Variants in ITPR3 observed in about 807,000 individuals in gnomAD.
ITPR3 encodes the protein inositol 1,4,5-trisphosphate-gated calcium channel ITPR3.
In ITPR3, 173 loss-of-function variants were observed where a neutral mutation model predicts 293.2. The observed-to-expected ratio is 0.59, with a 90% CI of 0.52 to 0.67. The LOEUF is 0.67. Ranked by LOEUF, ITPR3 falls within the 30% of genes least tolerant of loss-of-function variation. The probability of loss-of-function intolerance (pLI) is 0.00; values close to 1 mark genes in which losing one functional copy is unlikely to be tolerated. For synonymous variants in ITPR3, 1,295 were observed against 1,444.4 expected (o/e 0.90, Z 2.35); for missense variants, 2,796 against 3,592.1 (o/e 0.78, Z 5.66).
At chr6:33,674,073 C>A in intron 23 of ITPR3, 135 bp from the exon 24 acceptor site, 1 of 1,125,840 alleles carries the variant, frequency 8.9e-7, no homozygotes, top group Non-Finnish European at 1.3e-6. Context: ...TACTTGGTTC[C>A]TTCCCAGAAA....
chr6:33,652,195 C>T (rs763763768), intron 2 of ITPR3, among the ~76,000 whole-genome samples: 63 of 152,204 alleles, frequency 4.1e-4, no homozygotes, highest in Non-Finnish European at 8.4e-4. Flanking sequence ...TCCTCTCCCA[C>T]CTCCTGCTCT....
intron 2 of ITPR3, among the ~76,000 whole-genome samples, chr6:33,647,277 CA>C: frequency 6.6e-6 from 1 of 152,302 alleles, no homozygotes; most frequent in South Asian, 2.1e-4. Flanking sequence ...CTGCCCGCTT[CA>C]ACCTCCCAGA....
Position 33,678,502 on chromosome 6 carries a change from G to A in ITPR3, c.3730G>A (p.Ala1244Thr), listed in dbSNP as rs1238526463. The A allele has an allele frequency of 4.4e-6, 7 of 1,605,434 alleles. No homozygotes were observed. The South Asian group carries it at 5.5e-5, about 13-fold the overall frequency. The part of the protein sequence containing the change: ...KFCAGNPGNQ[A>T]LLHKHLHLFL... ...CTGTGCAGGGAACCCCGGCAACCAG[G>A]CCCTGCTGCACAAACACCTGCACCT... Residue 1244 changes from alanine to threonine, a missense_variant, in exon 29 of 58, where the codon GCC becomes ACC. Physicochemically the swap from Ala to Thr is moderately conservative, Grantham distance 58. This residue lies in a region of ITPR3 where 344 missense variants were observed against 460.3 expected (regional missense o/e 0.75). Transcript: ENST00000605930.
intron 2 of ITPR3, among the ~76,000 whole-genome samples, chr6:33,644,183 C>G (rs1021012930): frequency 2.6e-4 from 36 of 136,032 alleles, no homozygotes; most frequent in African/African-American, 1.0e-3. Context: ...GAGCAAGACT[C>G]TGTCTCAGGG....
intron 16 of ITPR3, 37 bp from the exon 17 acceptor site, chr6:33,668,478 G>T (rs1440621198): frequency 1.2e-6 from 2 of 1,613,722 alleles, no homozygotes; most frequent in South Asian, 2.2e-5. Flanking sequence ...ACCAGCCTCT[G>T]AGACCCTCTT....
Position 33,679,788 on chromosome 6 carries a change from C to A in ITPR3, c.3973-94C>A. 1 of 1,469,754 alleles carries A rather than the reference C, an allele frequency of 6.8e-7. No individual in the cohort carries two copies. The highest frequency in any genetic ancestry group is 1.3e-5 in the South Asian group (1 of 74,302). The allele number at this position is 1,469,754 out of a possible 1,614,324, so 91.0% of individuals were successfully genotyped here. ...CCTGATTTCAGGTAAGGGCTGTGGT[C>A]AGAGTCCCAGTTTCTCCCTGGTAAG... On this transcript the variant is annotated intron_variant, in intron 30 of 57. Transcript: ENST00000605930. This position sits in a 1 kb window ranked among gnomAD's most constrained non-coding sequence, Gnocchi z 4.2.
Position 33,687,328 on chromosome 6 carries a change from G to A in ITPR3, c.6177+1G>A, listed in dbSNP as rs754315965. On this transcript the variant is annotated splice_donor_variant, in intron 45 of 57. Coordinates refer to ENST00000605930, the MANE Select transcript of ITPR3 (RefSeq NM_002224.4). LOFTEE classifies it high-confidence loss of function. The surrounding 1 kb of genome is among the most constrained non-coding windows in gnomAD (Gnocchi z 5.3). ...TAACATCTATATCCTGGCGCTGCAG[G>A]TACCAGTTCCACCCGTGGCAACGGC... is the stretch of plus-strand genomic sequence containing the variant. The A allele has an allele frequency of 1.2e-6, 2 of 1,604,634 alleles. No individual in the cohort carries two copies. Among genetic ancestry groups the A allele is most frequent in the Non-Finnish European group, 1.7e-6 (2 of 1,172,394 alleles).
intron 1 of ITPR3, among the ~76,000 whole-genome samples, chr6:33,623,446 C>G (rs542530950): frequency 8.6e-5 from 13 of 151,458 alleles, no homozygotes; most frequent in Middle Eastern, 3.4e-3. Context: ...CCTGCCTCAG[C>G]TCCCAAAACT....
chr6:33,674,329 T>C, intron 24 of ITPR3, 64 bp downstream of exon 24: 3 of 1,515,164 alleles, frequency 2.0e-6, no homozygotes, highest in Non-Finnish European at 1.8e-6. Context: ...CCTCTTGGTC[T>C]GGTCTGGGTT....
At chr6:33,636,901 A>G (rs1230300388) in intron 1 of ITPR3, among the ~76,000 whole-genome samples, 1 of 152,118 alleles carries the variant, frequency 6.6e-6, no homozygotes, top group Non-Finnish European at 1.5e-5. Context: ...AGAGAAAAGG[A>G]GACAGAGGAC....
At chr6:33,678,978 G>T in intron 30 of ITPR3, 139 bp downstream of exon 30, 1 of 863,550 alleles carries the variant, frequency 1.2e-6, no homozygotes, top group Non-Finnish European at 1.8e-6. Context: ...TGGAGGGGAC[G>T]CAGAGGGAGA....
Position 33,686,526 on chromosome 6 carries a change from C to CACACA in ITPR3, c.5979+7_5979+8insACACA, listed in dbSNP as rs1765235427. 2.5e-6 allele frequency: 4 copies of CACACA among 1,607,422 alleles called. No individual in the cohort carries two copies. Among genetic ancestry groups the CACACA allele is most frequent in the Non-Finnish European group, 2.6e-6 (3 of 1,173,954 alleles). On this transcript the variant is annotated splice_region_variant and intron_variant, in intron 43 of 57. Coordinates refer to ENST00000605930, the MANE Select transcript of ITPR3 (RefSeq NM_002224.4). ...TCTGGTGCTGCAGCTCAAGGTGGGG[C>CACACA]CCAGTGGCAGGTGTGTGAGTGCTGG...
At chr6:33,650,114 T>A (rs1487622711) in intron 2 of ITPR3, among the ~76,000 whole-genome samples, 1 of 152,208 alleles carries the variant, frequency 6.6e-6, no homozygotes, top group Non-Finnish European at 1.5e-5. Flanking sequence ...ATGCTGCAAC[T>A]CCTGTGTGGG....
chr6:33,682,881 T>C lies in ITPR3; in HGVS notation c.4597+237T>C, dbSNP rs1765115603. On this transcript the variant is annotated intron_variant, in intron 34 of 57. Transcript: ENST00000605930. The surrounding 1 kb of genome is among the most constrained non-coding windows in gnomAD (Gnocchi z 5.4). ...CGCCGACATTCTCCAGCTAGTTTTT[T>C]ATGGGTATTTGCAGATGGGCTCAGG... Among the ~76,000 whole-genome samples the C allele has an allele frequency of 2.6e-5, 4 of 152,114 alleles. No homozygotes were observed. The South Asian group carries it at 8.3e-4, about 31-fold the overall frequency.
intron 2 of ITPR3, among the ~76,000 whole-genome samples, chr6:33,653,595 T>C (rs1164044177): frequency 1.3e-5 from 2 of 152,182 alleles, no homozygotes. Context: ...GCTAAATCCA[T>C]GCAAAAAAAT....
In ITPR3 at chr6:33,672,221, T is replaced by G; in HGVS notation, c.2921T>G (p.Ile974Ser). The change falls in exon 22 of 58, where the codon ATC (isoleucine) becomes AGC (serine). Residue 974 changes from isoleucine (I) to serine (S), a missense_variant. Transcript: ENST00000605930. This position sits in a 1 kb window ranked among gnomAD's most constrained non-coding sequence, Gnocchi z 5.0. ...GAGACCAAGCTGAAGATCCTGGAAA[T>G]CCTTCAGGTGCCTGGGCCAGGACCG... ...VMETKLKILE[I>S]LQFILNVRLD... The G allele has an allele frequency of 6.3e-7, 1 of 1,597,768 alleles. No individual in the cohort carries two copies. Among genetic ancestry groups the G allele is most frequent in the Non-Finnish European group, 8.5e-7 (1 of 1,171,916 alleles).
intron 9 of ITPR3, among the ~76,000 whole-genome samples, 199 bp from the exon 10 acceptor site, chr6:33,663,301 G>A (rs1764523213): frequency 1.3e-5 from 2 of 152,338 alleles, no homozygotes; most frequent in South Asian, 4.1e-4. Context: ...GAGCATTGGT[G>A]TGTATGTGTG....
At chr6:33,661,782 C>A (rs1271724427) in intron 7 of ITPR3, among the ~76,000 whole-genome samples, 13 of 151,804 alleles carry the variant, frequency 8.6e-5, no homozygotes, top group African/African-American at 3.1e-4. Flanking sequence ...ATTGCCTGAG[C>A]TTAGGAGTTT....
intron 7 of ITPR3, among the ~76,000 whole-genome samples, chr6:33,661,144 T>C (rs1336324500): frequency 6.6e-6 from 1 of 152,216 alleles, no homozygotes; most frequent in East Asian, 1.9e-4. Flanking sequence ...GGTTCTGCCA[T>C]AGTAACTGAC....
Sources: gnomAD v4.1 joint callset for allele counts (sites outside exome capture counted in the v4.1 genomes callset) on GRCh38, gnomAD v4.1.1 for gene constraint, gnomAD v4.1.1 regional missense constraint, Gnocchi (gnomAD v3.1) non-coding constraint, MANE v1.5 for transcripts, NCBI Gene and HGNC (gene_info 2026-07-23, HGNC 2026-07-21) for gene names.